Variants in RYR1 observed in about 807,000 individuals in gnomAD.
RYR1 encodes the protein central core disease of muscle.
In RYR1, 342 loss-of-function variants were observed where a neutral mutation model predicts 583.5. That is an observed-to-expected ratio of 0.59 (90% CI 0.54 to 0.64). The LOEUF (loss-of-function observed/expected upper bound fraction) is 0.64, where lower values mean the gene tolerates loss of function less well. Ranked by LOEUF, RYR1 falls within the 30% of genes least tolerant of loss-of-function variation. The pLI is 0.00. For missense variants in RYR1, 6,032 were observed against 6,917.2 expected (o/e 0.87, Z 4.54); for synonymous variants, 2,791 against 2,822.5 (o/e 0.99, Z 0.35).
chr19:38,483,623 C>T lies in RYR1; in HGVS notation c.4934+107C>T, dbSNP rs1028327954. On this transcript the variant is annotated intron_variant, in intron 33 of 105. Coordinates refer to ENST00000359596, the MANE Select transcript of RYR1 (RefSeq NM_000540.3). This position sits in a 1 kb window ranked among gnomAD's most constrained non-coding sequence, Gnocchi z 6.3. ...AACACAACCCCGGGATTCCAGACTA[C>T]ACCCCAGGAATCTCCAGACCTACCT... 7 of 1,007,190 alleles carry T rather than the reference C, an allele frequency of 7.0e-6. No individual in the cohort carries two copies. Among genetic ancestry groups the T allele is most frequent in the African/African-American group, 3.2e-5 (2 of 62,916 alleles). 62.4% of individuals were successfully genotyped at this position (1,007,190 alleles called of 1,614,324 possible).
chr19:38,528,101 C>T, intron 73 of RYR1: 2 of 643,318 alleles, frequency 3.1e-6, no homozygotes, highest in Non-Finnish European at 5.5e-6. Context: ...GTGGTCCTGG[C>T]TCTGTGGGAC....
chr19:38,492,546 C>T lies in RYR1; in HGVS notation c.6184C>T (p.Arg2062Cys), dbSNP rs758631725. The change falls in exon 38 of 106, where the codon CGC (arginine) becomes TGC (cysteine). Residue 2062 changes from arginine (R) to cysteine (C), a missense_variant. Physicochemically the swap from Arg to Cys is radical, Grantham distance 180 (BLOSUM62 -3). Around this residue, in one of 11 missense-constraint regions of RYR1, gnomAD observed 2,627 missense variants for 2,961.3 expected, o/e 0.89. Transcript: ENST00000359596. ...AGAGGAAGAGACCACCCTGGGCAGCCGCCTCATGAGCCTGTTGGAGAAAGT... is the reference window on the plus strand; with the variant it reads ...AGAGGAAGAGACCACCCTGGGCAGCTGCCTCATGAGCCTGTTGGAGAAAGT... The part of the protein sequence containing the change: ...EPEEETTLGS[R>C]LMSLLEKVRL... 43 of 1,613,898 alleles carry T rather than the reference C, an allele frequency of 2.7e-5. No homozygotes were observed. The highest frequency in any genetic ancestry group is 1.2e-4 in the Admixed American group (7 of 59,986).
chr19:38,518,790 G>A (rs1971089181), intron 66 of RYR1, among the ~76,000 whole-genome samples: 1 of 152,180 alleles, frequency 6.6e-6, no homozygotes, highest in South Asian at 2.1e-4. Flanking sequence ...TTAGCTGGGT[G>A]TGGTGGCAGA....
At chr19:38,542,537 A>C (rs1046658575) in intron 84 of RYR1, among the ~76,000 whole-genome samples, 1 of 152,036 alleles carries the variant, frequency 6.6e-6, no homozygotes, top group African/African-American at 2.4e-5. Context: ...TTATTTTTTG[A>C]GACGGAGTTT....
chr19:38,578,278 T>G, intron 99 of RYR1, 74 bp downstream of exon 99: 21 of 1,490,956 alleles, frequency 1.4e-5, no homozygotes, highest in Non-Finnish European at 1.8e-5. Flanking sequence ...ACGTCGGGTG[T>G]TCCTGACCAA....
chr19:38,470,105 G>T (rs1169778396), intron 27 of RYR1, among the ~76,000 whole-genome samples: 4 of 151,278 alleles, frequency 2.6e-5, no homozygotes, highest in Non-Finnish European at 1.5e-5. Flanking sequence ...GATGGAGGTT[G>T]CAGTGAGCCA....
intron 66 of RYR1, among the ~76,000 whole-genome samples, chr19:38,518,679 A>G (rs1418067451): frequency 1.3e-5 from 2 of 152,214 alleles, no homozygotes; most frequent in Admixed American, 6.5e-5. Flanking sequence ...CTGTAATCCC[A>G]GCACTATGGG....
At chr19:38,530,869 C>G (rs532765854) in intron 76 of RYR1, among the ~76,000 whole-genome samples, 49 of 152,110 alleles carry the variant, frequency 3.2e-4, no homozygotes, top group Non-Finnish European at 4.0e-4. Flanking sequence ...ATGGCGCAAT[C>G]TCGGCTCGCT....
At position 38,496,900 on chromosome 19, in the gene RYR1, C is replaced by A; in HGVS notation, c.6837C>A (p.Ser2279=). The A allele has an allele frequency of 3.1e-6, 5 of 1,613,504 alleles. No homozygotes were observed. Among genetic ancestry groups the A allele is most frequent in the South Asian group, 1.1e-5 (1 of 91,076 alleles). The part of the protein sequence containing the change: ...GSTPLDVAAA[S]VIDNNELALA... ...CGCCCCTGGACGTGGCTGCTGCCTC[C>A]GTCATTGACAACAATGAGCTGGCCT... Residue 2279 remains serine, a synonymous_variant, in exon 42 of 106, where the codon TCC becomes TCA. Transcript: ENST00000359596. The surrounding 1 kb of genome is among the most constrained non-coding windows in gnomAD (Gnocchi z 4.8).
chr19:38,470,466 A>G (rs1427094011), intron 27 of RYR1, among the ~76,000 whole-genome samples: 2 of 150,000 alleles, frequency 1.3e-5, no homozygotes, highest in African/African-American at 4.9e-5. Context: ...AGAGCTGGGC[A>G]TGGTGGCTCA....
intron 38 of RYR1, 114 bp from the exon 39 acceptor site, chr19:38,494,238 G>T (rs946856820): frequency 1.3e-5 from 17 of 1,261,772 alleles, no homozygotes; most frequent in Non-Finnish European, 1.9e-5. Flanking sequence ...GCAGGTGGTA[G>T]TAACTGGGAA....
intron 69 of RYR1, 178 bp downstream of exon 69, chr19:38,523,487 TG>T: frequency 1.5e-6 from 1 of 674,800 alleles, no homozygotes; most frequent in South Asian, 1.7e-5. Context: ...TTCCTCCTCC[TG>T]TATCTTCTCC....
chr19:38,497,968 C>CT (rs1344895621), intron 42 of RYR1, among the ~76,000 whole-genome samples: 1 of 151,430 alleles, frequency 6.6e-6, no homozygotes, highest in Non-Finnish European at 1.5e-5. Context: ...AGCGAGACCC[C>CT]TTAAAAAAAA....
rs185821937 is a variant in RYR1, at chr19:38,473,714, A to C, written c.4103A>C (p.Gln1368Pro). 2.6e-6 allele frequency: 4 copies of C among 1,548,492 alleles called. No homozygotes were observed. The highest frequency in any genetic ancestry group is 3.5e-6 in the Non-Finnish European group (4 of 1,146,114). Reference protein sequence around the residue: ...GGTPQAGGEAQPARAENEKDA... With the variant: ...GGTPQAGGEAPPARAENEKDA... Reference sequence around the variant, plus strand: ...ACCCCGCAGGCGGGGGGAGAGGCGCAGCCCGCCAGGGCGGAGAATGAGAAG... The same window carrying C: ...ACCCCGCAGGCGGGGGGAGAGGCGCCGCCCGCCAGGGCGGAGAATGAGAAG... Residue 1368 changes from glutamine (Q) to proline (P), a missense_variant, in exon 28 of 106, where the codon CAG (glutamine) becomes CCG (proline). Gln to Pro is a moderately conservative substitution (Grantham distance 76, BLOSUM62 -1). Transcript: ENST00000359596.
At chr19:38,484,655 C>T (rs1285047981) in intron 33 of RYR1, among the ~76,000 whole-genome samples, 1 of 152,074 alleles carries the variant, frequency 6.6e-6, no homozygotes, top group Non-Finnish European at 1.5e-5. Flanking sequence ...CAGACACACC[C>T]GTTTATTAAT....
chr19:38,480,920 G>T (rs1310670079), intron 31 of RYR1, among the ~76,000 whole-genome samples: 2 of 151,644 alleles, frequency 1.3e-5, no homozygotes, highest in East Asian at 2.0e-4. Context: ...TAGAGACGGG[G>T]TCTGGCTATA....
At chr19:38,523,591 C>T (rs1971321266) in intron 69 of RYR1, 1 of 603,044 alleles carries the variant, frequency 1.7e-6, no homozygotes, top group Non-Finnish European at 3.0e-6. Context: ...CCATTTCCCT[C>T]CTCTCCATTT....
rs1390114001 is a variant in RYR1 at position 38,497,024 on chromosome 19, C to T, written c.6891+70C>T. 8 of 1,290,902 alleles carry T rather than the reference C, an allele frequency of 6.2e-6. No homozygotes were observed. In the East Asian group the frequency reaches 1.9e-4, roughly 30 times the overall value. The allele number at this position is 1,290,902 out of a possible 1,614,324, so 80.0% of individuals were successfully genotyped here. On this transcript the variant is annotated intron_variant, in intron 42 of 105. Coordinates refer to ENST00000359596, the MANE Select transcript of RYR1 (RefSeq NM_000540.3). ...GGCCGCTACCCGGCTGCTTGGGACA[C>T]CTGCTGATTCCAAACTCATTCTGGG...
chr19:38,459,416 G>A (rs957749540), intron 19 of RYR1, 78 bp downstream of exon 19: 131 of 1,408,824 alleles, frequency 9.3e-5, no homozygotes, highest in Non-Finnish European at 1.2e-4. Context: ...TCACTCCATG[G>A]TCCCCCAGGA....
Sources: gnomAD v4.1 joint callset for allele counts (sites outside exome capture counted in the v4.1 genomes callset) on GRCh38, gnomAD v4.1.1 for gene constraint, gnomAD v4.1.1 regional missense constraint, Gnocchi (gnomAD v3.1) non-coding constraint, MANE v1.5 for transcripts, NCBI Gene and HGNC (gene_info 2026-07-23, HGNC 2026-07-21) for gene names.